The following ULK4 variants were observed in gnomAD, a reference collection of about 807,000 sequenced individuals.
The protein encoded by ULK4 is inactive serine/threonine-protein kinase ULK4.
ULK4 carries 133 observed loss-of-function variants against 160.6 expected under a neutral mutation model. The ratio of observed to expected loss-of-function variants is 0.83; its 90% CI spans 0.72 to 0.96. The LOEUF is 0.96. Among genes scored for constraint, ULK4 ranks in the 40% least tolerant of loss-of-function variants. ULK4 has a pLI of 0.00. For synonymous variants in ULK4, 534 were observed against 539.8 expected (o/e 0.99, Z 0.15); for missense variants, 1,580 against 1,499.5 (o/e 1.05, Z -0.89).
At chr3:41,466,460 T>TG (rs2083836939) in intron 32 of ULK4, among the ~76,000 whole-genome samples, 1 of 151,912 alleles carries the variant, frequency 6.6e-6, no homozygotes, top group Admixed American at 6.6e-5. Context: ...AGTATCCAAA[T>TG]GGGGGGAAAA....
chr3:41,535,616 C>T (rs541952385), intron 32 of ULK4, among the ~76,000 whole-genome samples: 21 of 152,346 alleles, frequency 1.4e-4, no homozygotes, highest in South Asian at 1.2e-3. Flanking sequence ...ACCACATATA[C>T]TCAATGCCCA....
chr3:41,841,723 A>G (rs1251435148), intron 17 of ULK4, among the ~76,000 whole-genome samples: 1 of 152,122 alleles, frequency 6.6e-6, no homozygotes, highest in African/African-American at 2.4e-5. Flanking sequence ...GAAAAGAAAG[A>G]GAGATCAGAT....
At chr3:41,359,912 A>G (rs548165088) in intron 35 of ULK4, among the ~76,000 whole-genome samples, 2 of 152,330 alleles carry the variant, frequency 1.3e-5, no homozygotes, top group Non-Finnish European at 2.9e-5. Flanking sequence ...CAACAAAAAC[A>G]AAAATTGACA....
At chr3:41,923,424 G>A (rs1292408383) in intron 5 of ULK4, among the ~76,000 whole-genome samples, 2 of 152,074 alleles carry the variant, frequency 1.3e-5, no homozygotes, top group Non-Finnish European at 2.9e-5. Flanking sequence ...GCTTGAACCC[G>A]GAGACAGAGG....
chr3:41,494,753 T>C (rs2125910903), intron 32 of ULK4, among the ~76,000 whole-genome samples: 1 of 152,180 alleles, frequency 6.6e-6, no homozygotes, highest in Non-Finnish European at 1.5e-5. Flanking sequence ...AAAATCAATG[T>C]GCAAAAATCA....
At chr3:41,461,300 G>GA (rs2125877125) in intron 33 of ULK4, among the ~76,000 whole-genome samples, 1 of 152,324 alleles carries the variant, frequency 6.6e-6, no homozygotes, top group African/African-American at 2.4e-5. Context: ...AAGTGCAGAA[G>GA]AATCCCCAGT....
At chr3:41,889,712 C>T (rs1697849314) in intron 16 of ULK4, among the ~76,000 whole-genome samples, 1 of 152,188 alleles carries the variant, frequency 6.6e-6, no homozygotes. Context: ...GAGAGTTTGG[C>T]AGTTCTTCAA....
intron 17 of ULK4, among the ~76,000 whole-genome samples, chr3:41,845,655 G>A (rs572497259): frequency 1.1e-4 from 16 of 152,154 alleles, no homozygotes; most frequent in Non-Finnish European, 2.2e-4. Context: ...ACTTTTTTAA[G>A]ACATTATCAT....
chr3:41,372,911 C>T (rs1296857504), intron 35 of ULK4, among the ~76,000 whole-genome samples: 1 of 152,154 alleles, frequency 6.6e-6, no homozygotes, highest in Non-Finnish European at 1.5e-5. Context: ...CATGCAAAGA[C>T]ACTCATAGGC....
intron 2 of ULK4, among the ~76,000 whole-genome samples, chr3:41,949,433 T>TTTC (rs1491438036): frequency 1.7e-4 from 2 of 11,946 alleles, no homozygotes; most frequent in African/African-American, 1.7e-4. Context: ...ATTAGCGGAA[T>TTTC]TTTTTTTTTT....
intron 31 of ULK4, among the ~76,000 whole-genome samples, chr3:41,615,222 C>T (rs2032903881): frequency 6.6e-6 from 1 of 152,116 alleles, no homozygotes; most frequent in African/African-American, 2.4e-5. Flanking sequence ...CTAAGCTATT[C>T]TAGGTTCTGA....
intron 35 of ULK4, among the ~76,000 whole-genome samples, chr3:41,307,238 C>T (rs535322060): frequency 1.3e-5 from 2 of 151,464 alleles, no homozygotes; most frequent in East Asian, 1.9e-4. Flanking sequence ...CACACCCATG[C>T]GGCTACTCGG....
At chr3:41,306,556 C>T (rs1020127469) in intron 35 of ULK4, among the ~76,000 whole-genome samples, 35 of 150,808 alleles carry the variant, frequency 2.3e-4, no homozygotes, top group Non-Finnish European at 4.7e-4. Flanking sequence ...CCAGCCACCC[C>T]GTCCGGGAGG....
intron 35 of ULK4, among the ~76,000 whole-genome samples, chr3:41,311,796 C>A (rs1242144837): frequency 6.6e-6 from 1 of 151,380 alleles, no homozygotes; most frequent in Non-Finnish European, 1.5e-5. Flanking sequence ...TCTTGATCTC[C>A]TGACCTTGTG....
At chr3:41,387,367 T>C (rs919545558) in intron 35 of ULK4, among the ~76,000 whole-genome samples, 1 of 152,022 alleles carries the variant, frequency 6.6e-6, no homozygotes, top group Non-Finnish European at 1.5e-5. Context: ...TTTGTATCTT[T>C]TTTTTTCTTT....
intron 21 of ULK4, among the ~76,000 whole-genome samples, chr3:41,761,283 T>G (rs1168128587): frequency 6.8e-6 from 1 of 148,078 alleles, no homozygotes; most frequent in Non-Finnish European, 1.5e-5. Context: ...AAAAATAATA[T>G]AGTATATATA....
chr3:41,770,867 A>G (rs1029098088), intron 21 of ULK4, among the ~76,000 whole-genome samples: 1 of 152,158 alleles, frequency 6.6e-6, no homozygotes. Flanking sequence ...AGCCTCATAG[A>G]CTTTTTCATG....
At chr3:41,542,682 T>C (rs551687108) in intron 32 of ULK4, among the ~76,000 whole-genome samples, 39 of 152,288 alleles carry the variant, frequency 2.6e-4, no homozygotes, top group African/African-American at 8.9e-4. Context: ...CTATTAATTA[T>C]TGCCTCAATT....
At chr3:41,825,372 T>C (rs181705649) in intron 18 of ULK4, among the ~76,000 whole-genome samples, 2 of 152,132 alleles carry the variant, frequency 1.3e-5, no homozygotes, top group East Asian at 3.9e-4. Context: ...CTAAGCTAAA[T>C]GAGGAAGTTC....
Sources: gnomAD v4.1 joint callset for allele counts (sites outside exome capture counted in the v4.1 genomes callset) on GRCh38, gnomAD v4.1.1 for gene constraint, MANE v1.5 for transcripts, NCBI Gene and HGNC (gene_info 2026-07-23, HGNC 2026-07-21) for gene names.